PPP1R12B: variants seen among roughly 807,000 people sequenced by gnomAD.
PPP1R12B encodes the protein myosin phosphatase target subunit 2.
Under a neutral mutation model 126.1 loss-of-function variants are expected in PPP1R12B, and 76 were observed. That is an observed-to-expected ratio of 0.60 (90% CI 0.50 to 0.73). The LOEUF (loss-of-function observed/expected upper bound fraction) is 0.73, where lower values mean the gene tolerates loss of function less well. Among genes scored for constraint, PPP1R12B ranks in the 30% least tolerant of loss-of-function variants. The pLI, the probability that PPP1R12B is intolerant of heterozygous loss-of-function variation, is 0.00. For synonymous variants in PPP1R12B, 356 were observed against 434.7 expected (o/e 0.82, Z 2.25); for missense variants, 1,052 against 1,205.1 (o/e 0.87, Z 1.88).
At chr1:202,561,015 T>TA (rs1301229215) in intron 19 of PPP1R12B, among the ~76,000 whole-genome samples, 7 of 149,210 alleles carry the variant, frequency 4.7e-5, no homozygotes, top group Middle Eastern at 3.4e-3. Context: ...AGTATAATAA[T>TA]AAAAAAATAA....
chr1:202,519,502 C>T (rs1163785512), intron 18 of PPP1R12B, among the ~76,000 whole-genome samples: 2 of 152,048 alleles, frequency 1.3e-5, no homozygotes, highest in Non-Finnish European at 2.9e-5. Context: ...AAGCTCCTGG[C>T]CTCAAGTGAT....
intron 1 of PPP1R12B, among the ~76,000 whole-genome samples, chr1:202,353,583 TCTTTGTG>T (rs1656434803): frequency 7.9e-6 from 1 of 126,790 alleles, no homozygotes; most frequent in Admixed American, 9.4e-5. Context: ...CTATTCTTCT[TCTTTGTG>T]TGTGTGTGTG....
chr1:202,355,147 C>T (rs1295557922), intron 1 of PPP1R12B, among the ~76,000 whole-genome samples: 1 of 152,066 alleles, frequency 6.6e-6, no homozygotes, highest in African/African-American at 2.4e-5. Flanking sequence ...TCAGGTAATC[C>T]ACCCGCCTCA....
chr1:202,535,347 T>A (rs1684430998), intron 18 of PPP1R12B, among the ~76,000 whole-genome samples: 1 of 152,148 alleles, frequency 6.6e-6, no homozygotes, highest in African/African-American at 2.4e-5. Context: ...TTTAGGTTTT[T>A]TTAATTTAAA....
intron 1 of PPP1R12B, among the ~76,000 whole-genome samples, chr1:202,411,164 C>G (rs1460886150): frequency 6.6e-6 from 1 of 150,470 alleles, no homozygotes; most frequent in African/African-American, 2.4e-5. Flanking sequence ...AGAAGGGCAT[C>G]TAAATTTAGT....
At chr1:202,542,231 G>C (rs931145016) in intron 18 of PPP1R12B, among the ~76,000 whole-genome samples, 1 of 152,172 alleles carries the variant, frequency 6.6e-6, no homozygotes, top group Non-Finnish European at 1.5e-5. Flanking sequence ...CTGGTTTTGA[G>C]TGTATTTTAA....
chr1:202,526,725 G>T (rs1468954759), intron 18 of PPP1R12B, among the ~76,000 whole-genome samples: 1 of 152,152 alleles, frequency 6.6e-6, no homozygotes, highest in Non-Finnish European at 1.5e-5. Context: ...GGAAAGATAC[G>T]ATGTGGAGAT....
At chr1:202,445,209 G>A in intron 12 of PPP1R12B, 1 of 1,246,604 alleles carries the variant, frequency 8.0e-7, no homozygotes. Context: ...AAACACTACT[G>A]CATCTGTACA....
At chr1:202,392,199 A>G (rs1167487279) in intron 1 of PPP1R12B, among the ~76,000 whole-genome samples, 4 of 152,158 alleles carry the variant, frequency 2.6e-5, no homozygotes, top group Admixed American at 1.3e-4. Flanking sequence ...TAATGGCAGC[A>G]TTATTCATAA....
rs1419572229 is a variant in PPP1R12B at position 202,583,342 on chromosome 1, T to TG, written c.*2782_*2783insG. 1.3e-5 allele frequency: 2 copies of TG among 152,172 alleles called. No individual in the cohort carries two copies. The highest frequency in any genetic ancestry group is 1.3e-4 in the Admixed American group (2 of 15,278). 9.4% of individuals were successfully genotyped at this position (152,172 alleles called of 1,614,324 possible). ...GGGGCAGATTCTCAAAACTCTTAGA[T>TG]TGGTGTTGCATCCCTGCCACTTCAC... On this transcript the variant is annotated 3_prime_UTR_variant, in exon 24 of 24. Transcript: ENST00000608999.
chr1:202,459,799 A>G (rs927227078), intron 13 of PPP1R12B, among the ~76,000 whole-genome samples: 8 of 152,236 alleles, frequency 5.3e-5, no homozygotes, highest in Non-Finnish European at 1.0e-4. Context: ...CTCAGGGGCC[A>G]GTCCACAGCT....
intron 10 of PPP1R12B, chr1:202,439,067 C>A: frequency 7.1e-7 from 1 of 1,400,476 alleles, no homozygotes. Flanking sequence ...CTCCTATGAC[C>A]TTGCCATCAA....
At chr1:202,570,927 G>C (rs1044330890) in intron 23 of PPP1R12B, among the ~76,000 whole-genome samples, 1 of 152,154 alleles carries the variant, frequency 6.6e-6, no homozygotes, top group Non-Finnish European at 1.5e-5. Context: ...TCTGCTGTTA[G>C]GCAGCTGTCA....
At chr1:202,503,412 C>T (rs563531971) in intron 18 of PPP1R12B, among the ~76,000 whole-genome samples, 65 of 152,238 alleles carry the variant, frequency 4.3e-4, no homozygotes, top group African/African-American at 1.4e-3. Flanking sequence ...ATTGTTAAAT[C>T]TAATAGGTCT....
intron 13 of PPP1R12B, among the ~76,000 whole-genome samples, chr1:202,486,626 G>A (rs532119932): frequency 1.3e-5 from 2 of 152,250 alleles, no homozygotes; most frequent in East Asian, 1.9e-4. Context: ...GCAACATAGC[G>A]AGACCTCATC....
chr1:202,384,965 T>A (rs577477068), intron 1 of PPP1R12B, among the ~76,000 whole-genome samples: 7 of 152,380 alleles, frequency 4.6e-5, no homozygotes, highest in African/African-American at 1.7e-4. Flanking sequence ...TTTATATCAC[T>A]AATTTCTCAG....
At chr1:202,475,718 G>C (rs986944658) in intron 13 of PPP1R12B, among the ~76,000 whole-genome samples, 2 of 152,124 alleles carry the variant, frequency 1.3e-5, no homozygotes, top group African/African-American at 4.8e-5. Context: ...TGAAGTCTTA[G>C]AATTAGATCA....
chr1:202,502,032 A>G lies in PPP1R12B; in HGVS notation c.2490+5210A>G, dbSNP rs556793185. 4 of 985,044 alleles carry G rather than the reference A, an allele frequency of 4.1e-6. No homozygotes were observed. The African/African-American group carries it at 5.2e-5, about 13-fold the overall frequency. The allele number at this position is 985,044 out of a possible 1,614,324, so 61.0% of individuals were successfully genotyped here. A position where few individuals can be genotyped will look rare whatever the true frequency, so the allele number is the denominator to read the frequency against. ...TGGGTAGTTATGTATGTCAGGAAGT[A>G]AGACTTTTCATACTTTTCTTTTCCC... On this transcript the variant is annotated intron_variant, in intron 18 of 23. Transcript: ENST00000608999.
chr1:202,566,803 A>AT (rs930066753), intron 21 of PPP1R12B, among the ~76,000 whole-genome samples: 17 of 151,016 alleles, frequency 1.1e-4, no homozygotes, highest in Admixed American at 5.9e-4. Flanking sequence ...CCATTCCTTA[A>AT]TTTTTTTTTT....
Sources: allele counts gnomAD v4.1 joint callset (sites outside exome capture counted in the v4.1 genomes callset), GRCh38; gene constraint gnomAD v4.1.1; transcripts MANE v1.5; gene names NCBI Gene and HGNC (gene_info 2026-07-23, HGNC 2026-07-21).